The following UBE2W variants were observed in gnomAD, a reference collection of about 807,000 sequenced individuals.
UBE2W encodes ubiquitin conjugating enzyme E2 W, also known as ubiquitin-conjugating enzyme E2 W.
Under a neutral mutation model 27.2 loss-of-function variants are expected in UBE2W, and 18 were observed. The ratio of observed to expected loss-of-function variants is 0.66; its 90% CI spans 0.46 to 0.98. The LOEUF is 0.98. UBE2W is among the 50% of genes least tolerant of loss of function. The pLI, the probability that UBE2W is intolerant of heterozygous loss-of-function variation, is 0.00. For missense variants in UBE2W, 90 were observed against 180.2 expected (o/e 0.50, Z 2.87); for synonymous variants, 53 against 57.2 (o/e 0.93, Z 0.33).
At chr8:73,842,050 C>T (rs973883363) in intron 1 of UBE2W, among the ~76,000 whole-genome samples, 6 of 152,108 alleles carry the variant, frequency 3.9e-5, no homozygotes, top group South Asian at 2.1e-4. Context: ...CCAGCAGAAA[C>T]GAACACAAAT....
intron 1 of UBE2W, among the ~76,000 whole-genome samples, chr8:73,844,217 T>C (rs955696021): frequency 8.2e-6 from 1 of 121,588 alleles, no homozygotes; most frequent in Non-Finnish European, 1.6e-5. Context: ...TGGACTGTAC[T>C]GCCGCCATCT....
intron 1 of UBE2W, among the ~76,000 whole-genome samples, chr8:73,837,095 A>G (rs1810339837): frequency 6.6e-6 from 1 of 152,238 alleles, no homozygotes; most frequent in Non-Finnish European, 1.5e-5. Flanking sequence ...CATCAATTGT[A>G]AGATGCATCA....
rs1301759264 is a variant in UBE2W at position 73,789,343 on chromosome 8, T to C, written c.*4759A>G. ...AAAAAAAAAAAAAAAAAAAAAAAAATTCTATCCATCCAGGCATGGTGGCAC... is the reference window on the plus strand; with the variant it reads ...AAAAAAAAAAAAAAAAAAAAAAAAACTCTATCCATCCAGGCATGGTGGCAC... On this transcript the variant is annotated 3_prime_UTR_variant, in exon 6 of 6. Transcript: ENST00000602593. 1 of 80,256 alleles carries C rather than the reference T, an allele frequency of 1.2e-5. No individual in the cohort carries two copies. Among genetic ancestry groups the C allele is most frequent in the Non-Finnish European group, 2.0e-5 (1 of 51,178 alleles). 5.0% of individuals were successfully genotyped at this position (80,256 alleles called of 1,614,324 possible). A position where few individuals can be genotyped will look rare whatever the true frequency, so the allele number is the denominator to read the frequency against.
chr8:73,786,401 T>C lies in UBE2W; in HGVS notation c.*7701A>G. ...TACAAGCATAACCAAGTTAATTCAA[T>C]ACACACTTATTAAATGCCTATGTGC... On this transcript the variant is annotated 3_prime_UTR_variant, in exon 6 of 6. Transcript: ENST00000602593. 1 of 985,404 alleles carries C rather than the reference T, an allele frequency of 1.0e-6. No homozygotes were observed. The highest frequency in any genetic ancestry group is 1.2e-6 in the Non-Finnish European group (1 of 829,886). 61.0% of individuals were successfully genotyped at this position (985,404 alleles called of 1,614,324 possible).
At chr8:73,837,176 T>C (rs941221238) in intron 1 of UBE2W, among the ~76,000 whole-genome samples, 2 of 152,078 alleles carry the variant, frequency 1.3e-5, no homozygotes, top group Admixed American at 6.5e-5. Context: ...ATAACACATA[T>C]CCTGATTTGA....
At position 73,848,653 on chromosome 8, in the gene UBE2W, C is replaced by A. The variant is rs114505142; in HGVS notation, c.16-18181G>T. Reference sequence around the variant, plus strand: ...GCTGCCGTGAGCCGTGATCTCACCACTGCACACCAACAGGGGTGACAGAGT... The same window carrying A: ...GCTGCCGTGAGCCGTGATCTCACCAATGCACACCAACAGGGGTGACAGAGT... On this transcript the variant is annotated intron_variant, in intron 1 of 5. Coordinates refer to ENST00000602593, the MANE Select transcript of UBE2W (RefSeq NM_018299.6). Among the ~76,000 whole-genome samples the A allele has an allele frequency of 1.4e-3, 209 of 152,250 alleles. 1 individual carries two copies. Among genetic ancestry groups the A allele is most frequent in the African/African-American group, 4.7e-3 (196 of 41,534 alleles).
At chr8:73,877,281 T>C (rs1374282000) in intron 1 of UBE2W, among the ~76,000 whole-genome samples, 2 of 152,222 alleles carry the variant, frequency 1.3e-5, no homozygotes, top group African/African-American at 4.8e-5. Context: ...TGGCCTCAAA[T>C]GACGAAACTT....
chr8:73,841,650 C>A (rs182693797), intron 1 of UBE2W, among the ~76,000 whole-genome samples: 22 of 152,274 alleles, frequency 1.4e-4, no homozygotes, highest in Admixed American at 9.8e-4. Context: ...GTTTCAAGGA[C>A]TAACCAGACT....
intron 1 of UBE2W, among the ~76,000 whole-genome samples, chr8:73,835,229 A>G (rs1563604346): frequency 7.0e-6 from 1 of 143,034 alleles, no homozygotes; most frequent in Non-Finnish European, 1.5e-5. Context: ...AAAGGGTTCT[A>G]TAGAAAAAAA....
Position 73,788,674 on chromosome 8 carries a change from C to T in UBE2W, c.*5428G>A. ...TCTTTCCATACACCAGAAAATCTGACAAGTGATGTCATTTTGAAATCATGC... is the reference window on the plus strand; with the variant it reads ...TCTTTCCATACACCAGAAAATCTGATAAGTGATGTCATTTTGAAATCATGC... On this transcript the variant is annotated 3_prime_UTR_variant, in exon 6 of 6. Transcript: ENST00000602593. 1.0e-6 allele frequency: 1 copy of T among 985,414 alleles called. No individual in the cohort carries two copies. Among genetic ancestry groups the T allele is most frequent in the Non-Finnish European group, 1.2e-6 (1 of 829,920 alleles). The allele number at this position is 985,414 out of a possible 1,614,324, so 61.0% of individuals were successfully genotyped here.
chr8:73,794,957 A>G (rs894540512), intron 5 of UBE2W, among the ~76,000 whole-genome samples: 5 of 152,168 alleles, frequency 3.3e-5, no homozygotes, highest in Non-Finnish European at 5.9e-5. Context: ...TTATTTAATA[A>G]TAACTTCTGG....
chr8:73,795,190 A>AT (rs1329752580), intron 5 of UBE2W, among the ~76,000 whole-genome samples: 1 of 151,836 alleles, frequency 6.6e-6, no homozygotes, highest in East Asian at 1.9e-4. Context: ...TATGGTTTGG[A>AT]TATCTGCCCC....
chr8:73,853,777 T>C (rs1481785226), intron 1 of UBE2W, among the ~76,000 whole-genome samples: 1 of 151,768 alleles, frequency 6.6e-6, no homozygotes. Flanking sequence ...TATTCACAGA[T>C]GACAATAAGG....
intron 1 of UBE2W, among the ~76,000 whole-genome samples, chr8:73,836,960 A>C (rs1265752203): frequency 2.0e-5 from 3 of 152,212 alleles, no homozygotes; most frequent in African/African-American, 4.8e-5. Context: ...AAAAGGGAGA[A>C]GAGGACATGA....
rs1808842394 is a variant in UBE2W at position 73,805,459 on chromosome 8, A to AAAAAAAACAAAAC, written c.442+191_442+192insGTTTTGTTTTTTT. Among the ~76,000 whole-genome samples, 203 of 134,556 alleles carry AAAAAAAACAAAAC rather than the reference A, an allele frequency of 1.5e-3. 6 individuals are homozygous for AAAAAAAACAAAAC. Among genetic ancestry groups the AAAAAAAACAAAAC allele is most frequent in the Middle Eastern group, 7.8e-3 (2 of 258 alleles). 88.3% of individuals were successfully genotyped at this position (134,556 alleles called of 152,430 possible). On this transcript the variant is annotated intron_variant, in intron 5 of 5. Coordinates refer to ENST00000602593, the MANE Select transcript of UBE2W (RefSeq NM_018299.6). ...ACAAGAGCAAAACTCCATCTCAAAA[A>AAAAAAAACAAAAC]AAAAAAAAAAAACAAAAAAAACTAG...
intron 1 of UBE2W, among the ~76,000 whole-genome samples, chr8:73,876,044 T>A (rs764597839): frequency 6.6e-6 from 1 of 152,062 alleles, no homozygotes; most frequent in Non-Finnish European, 1.5e-5. Flanking sequence ...ACAGCGAGAC[T>A]CCATCTCAAC....
At chr8:73,848,871 C>T (rs978467288) in intron 1 of UBE2W, among the ~76,000 whole-genome samples, 8 of 152,094 alleles carry the variant, frequency 5.3e-5, no homozygotes, top group African/African-American at 1.4e-4. Flanking sequence ...TAGATTTGTG[C>T]ATTTTCCTGT....
rs372398423 is a variant in UBE2W at position 73,878,858 on chromosome 8, G to A, written c.-36C>T. 1.4e-5 allele frequency: 22 copies of A among 1,546,690 alleles called. No individual in the cohort carries two copies. In the African/African-American group the frequency reaches 2.3e-4, roughly 16 times the overall value. ...TCCCCCCAAGACCGGCGAGGCCAGA[G>A]ACGCAGGGGGAGGAGCTGCCGTGCT... On this transcript the variant is annotated 5_prime_UTR_variant, in exon 1 of 6. Coordinates refer to ENST00000602593, the MANE Select transcript of UBE2W (RefSeq NM_018299.6).
At chr8:73,825,080 A>T in intron 3 of UBE2W, 67 bp downstream of exon 3, 1 of 941,954 alleles carries the variant, frequency 1.1e-6, no homozygotes, top group Non-Finnish European at 1.6e-6. Context: ...GTTTTTACTG[A>T]GTCAAACATC....
Sources: allele counts gnomAD v4.1 joint callset (sites outside exome capture counted in the v4.1 genomes callset), GRCh38; gene constraint gnomAD v4.1.1; transcripts MANE v1.5; gene names NCBI Gene and HGNC (gene_info 2026-07-23, HGNC 2026-07-21).